The following GLI2 variants were observed in gnomAD, a reference collection of about 807,000 sequenced individuals.
GLI2 encodes GLI family zinc finger 2, also known as transcription activator GLI2.
A neutral mutation model predicts 78.9 loss-of-function variants in GLI2; 22 were observed. The observed-to-expected ratio is 0.28, with a 90% confidence interval of 0.20 to 0.40. The LOEUF (loss-of-function observed/expected upper bound fraction) is 0.40. Among genes scored for constraint, GLI2 ranks in the 10% least tolerant of loss-of-function variants. The probability of loss-of-function intolerance (pLI) is 1.00; values close to 1 mark genes in which losing one functional copy is unlikely to be tolerated. For missense variants in GLI2, 2,097 were observed against 2,213.2 expected, an observed-to-expected ratio of 0.95 and a Z score of 1.05; for synonymous variants, 974 against 963.7, an observed-to-expected ratio of 1.01 and a Z score of -0.20.
At chr2:120,945,877 A>G (rs1390369093) in intron 3 of GLI2, among the ~76,000 whole-genome samples, 3 of 151,716 alleles carry the variant, frequency 2.0e-5, no homozygotes, top group African/African-American at 7.3e-5. Context: ...TGCCCAGAGC[A>G]GCAGAAAGGA....
chr2:120,742,688 A>AAAAAAAAAAT (rs58376813), intron 1 of GLI2, among the ~76,000 whole-genome samples: 3 of 151,298 alleles, frequency 2.0e-5, no homozygotes, highest in African/African-American at 7.3e-5. Flanking sequence ...TTAAAAAAAA[A>AAAAAAAAAAT]GGAAAGAGGG....
rs939814190 is a variant in GLI2, at chr2:120,965,746, G to T, written c.644-2968G>T. ...CGTCCAGGATCCCTATTTAGAGTGG[G>T]TGATCACATTTGCAGTGCAGCCTCA... On this transcript the variant is annotated intron_variant, in intron 5 of 13. Coordinates refer to ENST00000361492, the MANE Select transcript of GLI2 (RefSeq NM_001374353.1). Among the ~76,000 whole-genome samples the T allele has an allele frequency of 6.6e-5, 10 of 152,240 alleles. No homozygotes were observed. The South Asian group carries it at 1.4e-3, about 22-fold the overall frequency.
At chr2:120,829,235 ACAGGGACACAGAGCCC>A (rs1686239436) in intron 2 of GLI2, among the ~76,000 whole-genome samples, 1 of 152,214 alleles carries the variant, frequency 6.6e-6, no homozygotes, top group African/African-American at 2.4e-5. Flanking sequence ...TCACAGATAC[ACAGGGACACAGAGCCC>A]CAGGGGCAGT....
At chr2:120,956,090 C>T (rs1179631650) in intron 5 of GLI2, among the ~76,000 whole-genome samples, 2 of 152,050 alleles carry the variant, frequency 1.3e-5, no homozygotes, top group African/African-American at 2.4e-5. Flanking sequence ...AATCTCCTTC[C>T]GTGCTGATGT....
At chr2:120,927,329 T>C (rs761370220) in intron 2 of GLI2, 32 bp from the exon 3 acceptor site, 5 of 1,495,170 alleles carry the variant, frequency 3.3e-6, no homozygotes, top group East Asian at 2.3e-5. Context: ...GGGAAAGTTT[T>C]TGAAGTCTTG....
chr2:120,909,429 G>C (rs192680412), intron 2 of GLI2, among the ~76,000 whole-genome samples: 19 of 152,216 alleles, frequency 1.2e-4, no homozygotes, highest in African/African-American at 2.2e-4. Context: ...GCTGTGAACT[G>C]TCTTTTACAA....
At position 120,948,992 on chromosome 2, in the gene GLI2, T is replaced by C. The variant is rs116500937; in HGVS notation, c.255-2251T>C. 2.3e-3 allele frequency among the ~76,000 whole-genome samples: 343 copies of C among 152,136 alleles called. 3 individuals carry two copies. The highest frequency in any genetic ancestry group is 3.1e-3 in the Non-Finnish European group (210 of 67,978). On this transcript the variant is annotated intron_variant, in intron 3 of 13. Transcript: ENST00000361492. ...GAGCCACACTCAGCCTTCCAGAACTTGTATCCTTCAGCCCAGGTCTGCCCC... is the reference window on the plus strand; with the variant it reads ...GAGCCACACTCAGCCTTCCAGAACTCGTATCCTTCAGCCCAGGTCTGCCCC...
At chr2:120,952,531 G>T (rs1681047330) in intron 4 of GLI2, among the ~76,000 whole-genome samples, 1 of 152,232 alleles carries the variant, frequency 6.6e-6, no homozygotes, top group South Asian at 2.1e-4. Context: ...GTGCAGAAGG[G>T]CTCCCTGAAT....
intron 9 of GLI2, among the ~76,000 whole-genome samples, chr2:120,975,555 A>G (rs1351006422): frequency 6.6e-6 from 1 of 152,132 alleles, no homozygotes; most frequent in Non-Finnish European, 1.5e-5. Flanking sequence ...GAAGGAGTTG[A>G]TCCTTTCCTT....
chr2:120,832,538 G>A (rs1052854909), intron 2 of GLI2, among the ~76,000 whole-genome samples: 3 of 152,062 alleles, frequency 2.0e-5, no homozygotes, highest in Non-Finnish European at 4.4e-5. Context: ...AGGCACACTC[G>A]GGCCCTTGTA....
At chr2:120,852,594 A>G (rs1438707100) in intron 2 of GLI2, among the ~76,000 whole-genome samples, 2 of 152,106 alleles carry the variant, frequency 1.3e-5, no homozygotes, top group Non-Finnish European at 2.9e-5. Flanking sequence ...CAGACAGGGG[A>G]GGTAGCTGTT....
At position 120,797,364 on chromosome 2, in the gene GLI2, C is replaced by T. The variant is rs1175916421; in HGVS notation, c.44C>T (p.Ala15Val). 6.2e-7 allele frequency: 1 copy of T among 1,614,014 alleles called. No individual in the cohort carries two copies. Among genetic ancestry groups the T allele is most frequent in the South Asian group, 1.1e-5 (1 of 91,054 alleles). Residue 15 changes from alanine to valine, a missense_variant, in exon 2 of 14, where the codon GCC (alanine) becomes GTC (valine). By Grantham distance (64) the Ala-to-Val change is moderately conservative (BLOSUM62 0). Coordinates refer to ENST00000361492, the MANE Select transcript of GLI2 (RefSeq NM_001374353.1). Reference protein sequence around the residue: ...ASATASEKQEAKSGILEAAGF... With the variant: ...ASATASEKQEVKSGILEAAGF... Reference sequence around the variant, plus strand: ...GCCACTGCCTCCGAGAAGCAAGAAGCCAAAAGTGGGATCCTGGAGGCCGCT... The same window carrying T: ...GCCACTGCCTCCGAGAAGCAAGAAGTCAAAAGTGGGATCCTGGAGGCCGCT...
intron 3 of GLI2, among the ~76,000 whole-genome samples, chr2:120,945,957 T>TCACACACACACACACACA (rs3223143): frequency 0.088 from 11,865 of 134,100 alleles, 805 homozygotes; most frequent in Non-Finnish European, 0.12. Flanking sequence ...CATAACCTTC[T>TCACACACACACACACACA]CACACACACA....
intron 2 of GLI2, among the ~76,000 whole-genome samples, chr2:120,888,846 G>A (rs996054158): frequency 2.0e-5 from 3 of 152,158 alleles, no homozygotes; most frequent in Non-Finnish European, 4.4e-5. Context: ...TTTTTTCCAG[G>A]AGAACCCAAC....
rs537539634 is a variant in GLI2 at position 120,934,093 on chromosome 2, C to T, written c.254+6627C>T. ...GCCCGGAAATCTGCTTATTTACAGG[C>T]GCCCATAGGCCAGAGTTTGGGGACC... On this transcript the variant is annotated intron_variant, in intron 3 of 13. Transcript: ENST00000361492. Among the ~76,000 whole-genome samples, 14 of 152,312 alleles carry T rather than the reference C, an allele frequency of 9.2e-5. No homozygotes were observed. The East Asian group carries it at 1.2e-3, about 13-fold the overall frequency.
chr2:120,839,062 C>T (rs998406113), intron 2 of GLI2, among the ~76,000 whole-genome samples: 1 of 152,078 alleles, frequency 6.6e-6, no homozygotes, highest in African/African-American at 2.4e-5. Context: ...TGAGACTGAC[C>T]CATAAATTTC....
chr2:120,840,716 A>G (rs1686826100), intron 2 of GLI2, among the ~76,000 whole-genome samples: 2 of 152,190 alleles, frequency 1.3e-5, no homozygotes, highest in African/African-American at 4.8e-5. Context: ...TGAGAAGCCA[A>G]GCATCTTGGT....
intron 1 of GLI2, among the ~76,000 whole-genome samples, chr2:120,759,973 T>G (rs1683165340): frequency 2.6e-5 from 4 of 152,270 alleles, no homozygotes; most frequent in Admixed American, 2.6e-4. Context: ...CTATCACAGC[T>G]GGACAGTTAA....
At chr2:120,754,854 C>CTTT (rs61059541) in intron 1 of GLI2, among the ~76,000 whole-genome samples, 3 of 143,018 alleles carry the variant, frequency 2.1e-5, no homozygotes, top group East Asian at 4.1e-4. Flanking sequence ...ACCATTTTTT[C>CTTT]TTTTTTTTTT....
Sources: gnomAD v4.1 joint callset for allele counts (sites outside exome capture counted in the v4.1 genomes callset) on GRCh38, gnomAD v4.1.1 for gene constraint, MANE v1.5 for transcripts, NCBI Gene and HGNC (gene_info 2026-07-23, HGNC 2026-07-21) for gene names.